HIVEP3: variants seen among roughly 807,000 people sequenced by gnomAD.
The protein encoded by HIVEP3 is transcription factor HIVEP3.
Under a neutral mutation model 152.8 loss-of-function variants are expected in HIVEP3, and 49 were observed. That is an observed-to-expected ratio of 0.32 (90% CI 0.26 to 0.41). HIVEP3 has a LOEUF of 0.41. Ranked by LOEUF, HIVEP3 falls within the 10% of genes least tolerant of loss-of-function variation. HIVEP3 has a pLI of 1.00. For synonymous variants in HIVEP3, 1,269 were observed against 1,289.0 expected, an observed-to-expected ratio of 0.98 and a Z score of 0.33; for missense variants, 2,790 against 3,103.3, an observed-to-expected ratio of 0.90 and a Z score of 2.40.
At chr1:41,984,439 G>A (rs76810415) in intron 1 of HIVEP3, among the ~76,000 whole-genome samples, 2,287 of 152,244 alleles carry the variant, frequency 0.015, 55 homozygotes, top group African/African-American at 0.053. Flanking sequence ...TATCAAAGTT[G>A]ACATGATAGC....
chr1:41,979,163 C>T (rs1298604126), intron 1 of HIVEP3, among the ~76,000 whole-genome samples: 1 of 152,134 alleles, frequency 6.6e-6, no homozygotes, highest in Admixed American at 6.5e-5. Flanking sequence ...ATTCTAGGGA[C>T]CCAGCCCAAG....
intron 1 of HIVEP3, among the ~76,000 whole-genome samples, chr1:41,811,267 C>T (rs527731330): frequency 6.6e-6 from 1 of 151,688 alleles, no homozygotes; most frequent in African/African-American, 2.4e-5. Context: ...TGGCAGCCAG[C>T]CAGGTGTGCT....
intron 7 of HIVEP3, among the ~76,000 whole-genome samples, chr1:41,517,568 C>T (rs562821483): frequency 1.4e-5 from 2 of 146,294 alleles, no homozygotes; most frequent in East Asian, 3.9e-4. Context: ...ACACTCCTCT[C>T]TGTCACACTC....
intron 1 of HIVEP3, among the ~76,000 whole-genome samples, chr1:41,973,043 C>T (rs922621721): frequency 2.0e-5 from 3 of 148,346 alleles, no homozygotes; most frequent in Admixed American, 6.6e-5. Context: ...ACCACATGTG[C>T]GTGCACACAC....
intron 5 of HIVEP3, among the ~76,000 whole-genome samples, chr1:41,553,796 TTTTC>T (rs1235176729): frequency 3.9e-5 from 6 of 152,260 alleles, no homozygotes; most frequent in Non-Finnish European, 5.9e-5. Context: ...TTGAAAATTC[TTTTC>T]TTTAAGAATG....
Position 41,918,210 on chromosome 1 carries a change from G to A in HIVEP3, c.-801+203C>T, listed in dbSNP as rs7517378. 0.2 allele frequency among the ~76,000 whole-genome samples: 30,978 copies of A among 151,988 alleles called. 3,373 individuals carry two copies. The highest frequency in any genetic ancestry group is 0.27 in the African/African-American group (11,184 of 41,466). Reference sequence around the variant, plus strand: ...GGCCGAGCAGCGCGCTCAGCCCACCGGGGGCACTGGCCGCCACGCGCAGCC... The same window carrying A: ...GGCCGAGCAGCGCGCTCAGCCCACCAGGGGCACTGGCCGCCACGCGCAGCC... On this transcript the variant is annotated intron_variant, in intron 1 of 8. Coordinates refer to ENST00000372583, the MANE Select transcript of HIVEP3 (RefSeq NM_024503.5). The surrounding 1 kb of genome is among the most constrained non-coding windows in gnomAD (Gnocchi z 4.3).
At chr1:41,905,975 C>G (rs1306838054) in intron 1 of HIVEP3, among the ~76,000 whole-genome samples, 1 of 152,172 alleles carries the variant, frequency 6.6e-6, no homozygotes, top group Non-Finnish European at 1.5e-5. Context: ...TAGCCCAAAT[C>G]TGGAAACAAT....
Position 41,582,405 on chromosome 1 carries a change from G to C in HIVEP3, c.2393C>G (p.Ser798Cys), listed in dbSNP as rs1436021169. 1 of 1,614,246 alleles carries C rather than the reference G, an allele frequency of 6.2e-7. No homozygotes were observed. Among genetic ancestry groups the C allele is most frequent in the Non-Finnish European group, 8.5e-7 (1 of 1,180,042 alleles). ...KERRTTSKEI[S>C]VIQHTSSFEK... ...AAAGGAGCTGGTGTGCTGGATGACA[G>C]AAATTTCTTTGGACGTTGTTCTCCT... is the stretch of plus-strand genomic sequence containing the variant. The change falls in exon 4 of 9, where the codon TCT becomes TGT. Residue 798 changes from serine to cysteine, a missense_variant. Transcript: ENST00000372583. This position sits in a 1 kb window ranked among gnomAD's most constrained non-coding sequence, Gnocchi z 4.7.
chr1:41,526,676 C>T (rs1569735019), intron 5 of HIVEP3, among the ~76,000 whole-genome samples: 1 of 30,016 alleles, frequency 3.3e-5, no homozygotes, highest in African/African-American at 1.4e-4. Flanking sequence ...CATACCTGCT[C>T]GCACCCCCAC....
chr1:41,683,593 T>C (rs530498874), intron 2 of HIVEP3, among the ~76,000 whole-genome samples: 9 of 152,334 alleles, frequency 5.9e-5, no homozygotes, highest in Admixed American at 4.6e-4. Flanking sequence ...GAAAGGGTTA[T>C]TGCCTGGCTC....
chr1:41,728,492 G>A (rs570346473), intron 1 of HIVEP3, among the ~76,000 whole-genome samples: 2 of 152,150 alleles, frequency 1.3e-5, no homozygotes, highest in South Asian at 2.1e-4. Context: ...AAGGGGGGGT[G>A]AAATGTAATC....
chr1:41,891,733 A>T (rs1477184377), intron 1 of HIVEP3, among the ~76,000 whole-genome samples: 1 of 152,196 alleles, frequency 6.6e-6, no homozygotes, highest in Non-Finnish European at 1.5e-5. Context: ...GGCTGGTTTA[A>T]AGCACAGCTC....
At chr1:41,745,622 C>T (rs114149086) in intron 1 of HIVEP3, among the ~76,000 whole-genome samples, 16 of 152,292 alleles carry the variant, frequency 1.1e-4, no homozygotes, top group Non-Finnish European at 8.8e-5. Context: ...AGACATACCA[C>T]GTGTCTTTCC....
At chr1:41,916,024 T>G (rs1269582435) in intron 1 of HIVEP3, among the ~76,000 whole-genome samples, 3 of 151,984 alleles carry the variant, frequency 2.0e-5, no homozygotes, top group Non-Finnish European at 4.4e-5. Flanking sequence ...GAGTAGGGAG[T>G]GAGAGACAAG....
intron 2 of HIVEP3, among the ~76,000 whole-genome samples, chr1:41,698,532 G>T (rs564147056): frequency 6.6e-6 from 1 of 152,120 alleles, no homozygotes; most frequent in Non-Finnish European, 1.5e-5. Context: ...TGATCTTTCC[G>T]ATGAGAACCA....
chr1:41,531,237 G>A (rs893913624), intron 5 of HIVEP3, among the ~76,000 whole-genome samples: 2 of 110,292 alleles, frequency 1.8e-5, no homozygotes, highest in Non-Finnish European at 4.4e-5. Context: ...GAGAACAGGA[G>A]AGATGGAGGA....
At chr1:41,957,823 G>A (rs985732698) in intron 1 of HIVEP3, among the ~76,000 whole-genome samples, 7 of 152,166 alleles carry the variant, frequency 4.6e-5, no homozygotes, top group Non-Finnish European at 8.8e-5. Context: ...ACCAGCTCCC[G>A]TCCTTGAACA....
intron 1 of HIVEP3, among the ~76,000 whole-genome samples, chr1:41,944,234 G>A (rs1044281510): frequency 6.6e-6 from 1 of 152,132 alleles, no homozygotes; most frequent in African/African-American, 2.4e-5. Flanking sequence ...GTTAAATGCC[G>A]CTGAACTGTA....
Position 41,598,670 on chromosome 1 carries a change from A to C in HIVEP3, c.-521-13352T>G, listed in dbSNP as rs535492152. On this transcript the variant is annotated intron_variant, in intron 3 of 8. Coordinates refer to ENST00000372583, the MANE Select transcript of HIVEP3 (RefSeq NM_024503.5). ...CTCAATGCCAGGCCAGTAAGATGAA[A>C]ACAGACATAAATCATAGGCCTTACT... 1.1e-4 allele frequency among the ~76,000 whole-genome samples: 16 copies of C among 152,358 alleles called. No homozygotes were observed. The East Asian group carries it at 2.7e-3, about 26-fold the overall frequency.
Sources: allele counts gnomAD v4.1 joint callset (sites outside exome capture counted in the v4.1 genomes callset), GRCh38; gene constraint gnomAD v4.1.1; non-coding constraint Gnocchi (gnomAD v3.1); transcripts MANE v1.5; gene names NCBI Gene and HGNC (gene_info 2026-07-23, HGNC 2026-07-21).